The following ARMC2 variants were observed in gnomAD, a reference collection of about 807,000 sequenced individuals.
ARMC2 encodes armadillo repeat containing 2.
In ARMC2, 67 loss-of-function variants were observed where a neutral mutation model predicts 90.3. The ratio of observed to expected loss-of-function variants is 0.74; its 90% CI spans 0.61 to 0.91. The LOEUF is 0.91. Among genes scored for constraint, ARMC2 ranks in the 40% least tolerant of loss-of-function variants. The pLI is 0.00. For missense variants in ARMC2, 920 were observed against 1,030.9 expected, an observed-to-expected ratio of 0.89 and a Z score of 1.47; for synonymous variants, 393 against 393.0, an observed-to-expected ratio of 1.00 and a Z score of 0.00.
At chr6:108,907,892 C>G in intron 8 of ARMC2, 1 of 1,596,530 alleles carries the variant, frequency 6.3e-7, no homozygotes, top group Non-Finnish European at 8.5e-7. Flanking sequence ...CTGGTGTCCG[C>G]TGTGTTCTTC....
chr6:108,939,102 A>T (rs1308278130), intron 12 of ARMC2, among the ~76,000 whole-genome samples: 1 of 152,186 alleles, frequency 6.6e-6, no homozygotes, highest in Non-Finnish European at 1.5e-5. Flanking sequence ...TACAGATGTG[A>T]GCCACTGCGC....
the ARMC2 span, among the ~76,000 whole-genome samples, chr6:108,989,468 G>C: frequency 1.4e-5 from 2 of 140,218 alleles, no homozygotes; most frequent in South Asian, 2.3e-4. Context: ...TAGAGATATA[G>C]AAATATCTGT....
At chr6:109,008,167 GA>G in the ARMC2 span, among the ~76,000 whole-genome samples, 1 of 152,108 alleles carries the variant, frequency 6.6e-6, no homozygotes, top group Non-Finnish European at 1.5e-5. Context: ...GCTATCTTTA[GA>G]AATTCTAGAT....
At chr6:108,876,527 A>G (rs1228138067) in intron 5 of ARMC2, among the ~76,000 whole-genome samples, 177 bp downstream of exon 5, 1 of 152,200 alleles carries the variant, frequency 6.6e-6, no homozygotes, top group East Asian at 1.9e-4. Flanking sequence ...TGATTTTTGT[A>G]TCATTCCTTA....
At chr6:108,852,419 A>G (rs1774101113) in intron 1 of ARMC2, among the ~76,000 whole-genome samples, 1 of 152,210 alleles carries the variant, frequency 6.6e-6, no homozygotes, top group African/African-American at 2.4e-5. Flanking sequence ...TTTGGTAAAA[A>G]TTTGTAGACA....
chr6:109,001,822 G>A, the ARMC2 span, among the ~76,000 whole-genome samples: 8 of 152,048 alleles, frequency 5.3e-5, no homozygotes, highest in East Asian at 3.8e-4. Context: ...TTACAAAACC[G>A]CCTACTCTCA....
chr6:108,961,798 A>G, intron 14 of ARMC2, 104 bp downstream of exon 14: 1 of 1,338,452 alleles, frequency 7.5e-7, no homozygotes, highest in East Asian at 2.3e-5. Flanking sequence ...GCCTTCTGGT[A>G]CAGAAATGTC....
At chr6:108,989,854 T>C in the ARMC2 span, among the ~76,000 whole-genome samples, 2 of 152,106 alleles carry the variant, frequency 1.3e-5, 1 homozygote, top group South Asian at 4.1e-4. Context: ...AAGTCTCCTA[T>C]TGAGTTTTCA....
intron 3 of ARMC2, among the ~76,000 whole-genome samples, chr6:108,866,186 C>G (rs1429916275): frequency 6.6e-6 from 1 of 152,146 alleles, no homozygotes; most frequent in East Asian, 1.9e-4. Context: ...AACCACACGT[C>G]TATCTTCAAA....
At chr6:108,958,518 C>T (rs374661599) in intron 13 of ARMC2, among the ~76,000 whole-genome samples, 5 of 152,262 alleles carry the variant, frequency 3.3e-5, no homozygotes, top group African/African-American at 1.2e-4. Context: ...TGTGGTCCTT[C>T]GGGAGGTCAG....
At chr6:109,009,529 T>C in the ARMC2 span, 1 of 1,176,946 alleles carries the variant, frequency 8.5e-7, no homozygotes, top group East Asian at 3.8e-5. Flanking sequence ...GGCTCCTGGC[T>C]GCAGCGCCTC....
the ARMC2 span, among the ~76,000 whole-genome samples, chr6:109,033,568 A>C: frequency 6.6e-6 from 1 of 152,326 alleles, no homozygotes; most frequent in Non-Finnish European, 1.5e-5. Flanking sequence ...AGCACAATTA[A>C]TTAGAATGAA....
At chr6:108,872,514 C>T (rs776071021) in intron 4 of ARMC2, among the ~76,000 whole-genome samples, 22 of 152,156 alleles carry the variant, frequency 1.4e-4, no homozygotes, top group South Asian at 2.1e-4. Flanking sequence ...CTTAAACCAC[C>T]GTCTGCTCAC....
At chr6:108,906,417 T>G (rs538643014) in intron 8 of ARMC2, among the ~76,000 whole-genome samples, 1 of 152,250 alleles carries the variant, frequency 6.6e-6, no homozygotes, top group African/African-American at 2.4e-5. Flanking sequence ...TAGAATAAAC[T>G]ACTGTTTTTA....
chr6:108,996,414 A>C, the ARMC2 span, among the ~76,000 whole-genome samples: 2 of 152,136 alleles, frequency 1.3e-5, no homozygotes, highest in African/African-American at 2.4e-5. Context: ...AATAGCTGAA[A>C]AGGATTAGGT....
At chr6:109,023,063 A>T in the ARMC2 span, among the ~76,000 whole-genome samples, 1 of 152,162 alleles carries the variant, frequency 6.6e-6, no homozygotes, top group Non-Finnish European at 1.5e-5. Context: ...GACCACCCAA[A>T]TCAGTAGAAC....
At chr6:108,973,158 C>T (rs938389142) in intron 17 of ARMC2, among the ~76,000 whole-genome samples, 199 bp from the exon 18 acceptor site, 1 of 151,944 alleles carries the variant, frequency 6.6e-6, no homozygotes, top group African/African-American at 2.4e-5. Context: ...GAGACCCTGC[C>T]TCTCCAAATA....
chr6:108,990,942 A>G, the ARMC2 span: 3 of 955,768 alleles, frequency 3.1e-6, no homozygotes, highest in Admixed American at 2.9e-5. Context: ...TGACAATCCA[A>G]CTGGCTTTTA....
chr6:108,904,772 G>A (rs1772507090), intron 8 of ARMC2, among the ~76,000 whole-genome samples: 1 of 152,168 alleles, frequency 6.6e-6, no homozygotes, highest in Non-Finnish European at 1.5e-5. Context: ...AGCAGATGGT[G>A]CAGGCAGTGG....
Sources: allele counts gnomAD v4.1 joint callset (sites outside exome capture counted in the v4.1 genomes callset), GRCh38; gene constraint gnomAD v4.1.1; transcripts MANE v1.5; gene names NCBI Gene and HGNC (gene_info 2026-07-23, HGNC 2026-07-21).